Variants in DICER1 observed in about 807,000 individuals in gnomAD.
DICER1 encodes the protein endoribonuclease Dicer.
In DICER1, 43 loss-of-function variants were observed where a neutral mutation model predicts 194.1. The ratio of observed to expected loss-of-function variants is 0.22; its 90% CI spans 0.17 to 0.29. The LOEUF (loss-of-function observed/expected upper bound fraction) is 0.29. Among genes scored for constraint, DICER1 ranks in the 10% least tolerant of loss-of-function variants. The pLI, the probability that DICER1 is intolerant of heterozygous loss-of-function variation, is 1.00. For synonymous variants in DICER1, 832 were observed against 820.5 expected (o/e 1.01, Z -0.24); for missense variants, 1,608 against 2,317.0 (o/e 0.69, Z 6.28).
In DICER1 at chr14:95,124,010, A is replaced by C. The variant is rs1165063341; in HGVS notation, c.1376+186T>G. Among the ~76,000 whole-genome samples, 1 of 152,238 alleles carries C rather than the reference A, an allele frequency of 6.6e-6. No homozygotes were observed. The highest frequency in any genetic ancestry group is 2.4e-5 in the African/African-American group (1 of 41,450). On this transcript the variant is annotated intron_variant, in intron 8 of 26. Coordinates refer to ENST00000343455, the MANE Select transcript of DICER1 (RefSeq NM_177438.3). This position sits in a 1 kb window ranked among gnomAD's most constrained non-coding sequence, Gnocchi z 4.5. ...AGAAAAAAATATCAGCCATATGAAAAGCAGCCTTCTGGAAAACATCCTCTC... is the reference window on the plus strand; with the variant it reads ...AGAAAAAAATATCAGCCATATGAAACGCAGCCTTCTGGAAAACATCCTCTC...
intron 23 of DICER1, among the ~76,000 whole-genome samples, chr14:95,095,124 T>G (rs557085549): frequency 1.3e-5 from 2 of 152,250 alleles, no homozygotes; most frequent in Non-Finnish European, 2.9e-5. Context: ...CTACAAACTT[T>G]ATACTTTGCT....
Position 95,088,414 on chromosome 14 carries a change from G to A in DICER1, c.*2084C>T. 4.3e-6 allele frequency: 1 copy of A among 232,428 alleles called. No homozygotes were observed. Among genetic ancestry groups the A allele is most frequent in the East Asian group, 6.1e-5 (1 of 16,376 alleles). 14.4% of individuals were successfully genotyped at this position (232,428 alleles called of 1,614,324 possible). ...CAAAGCCCTAAGCTCCTGGCATCAG[G>A]TAGTTTATAAATATTAAGAGATTTG... On this transcript the variant is annotated 3_prime_UTR_variant, in exon 27 of 27. Coordinates refer to ENST00000343455, the MANE Select transcript of DICER1 (RefSeq NM_177438.3).
At chr14:95,145,205 T>C (rs1003744462) in intron 1 of DICER1, among the ~76,000 whole-genome samples, 1 of 152,234 alleles carries the variant, frequency 6.6e-6, no homozygotes, top group African/African-American at 2.4e-5. Context: ...TTAATGTCTT[T>C]TGTTAGTTTA....
chr14:95,122,229 G>C (rs769537200), intron 8 of DICER1, among the ~76,000 whole-genome samples: 1 of 152,084 alleles, frequency 6.6e-6, no homozygotes, highest in Non-Finnish European at 1.5e-5. Context: ...AACCTTTTCA[G>C]GCTAATATTC....
At chr14:95,106,245 ACAAT>A (rs1355495962) in intron 17 of DICER1, 22 bp from the exon 18 acceptor site, 4 of 1,579,256 alleles carry the variant, frequency 2.5e-6, no homozygotes, top group Admixed American at 1.7e-5. Context: ...AAACAAAAAA[ACAAT>A]CAGTTGCTTT....
intron 1 of DICER1, among the ~76,000 whole-genome samples, chr14:95,140,121 G>A (rs2140356334): frequency 6.6e-6 from 1 of 152,248 alleles, no homozygotes; most frequent in African/African-American, 2.4e-5. Flanking sequence ...CTTTTGCAGA[G>A]CCAAAATAAC....
rs2139761844 is a variant in DICER1 at position 95,090,123 on chromosome 14, G to GTTAA, written c.*374_*375insTTAA. On this transcript the variant is annotated 3_prime_UTR_variant, in exon 27 of 27. Transcript: ENST00000343455. ...CTACATCATCCTAGGGACTGCTGGA[G>GTTAA]GTTTAAGCTCCATGGCCTTCTAACA... 1 of 393,370 alleles carries GTTAA rather than the reference G, an allele frequency of 2.5e-6. No homozygotes were observed. The highest frequency in any genetic ancestry group is 2.7e-5 in the South Asian group (1 of 36,750). 24.4% of individuals were successfully genotyped at this position (393,370 alleles called of 1,614,324 possible).
chr14:95,149,402 C>T (rs1895363828), intron 1 of DICER1, among the ~76,000 whole-genome samples: 2 of 152,126 alleles, frequency 1.3e-5, no homozygotes, highest in South Asian at 4.1e-4. Flanking sequence ...CCCGTAACAC[C>T]AAAACAAGTG....
chr14:95,116,640 A>G lies in DICER1; in HGVS notation c.1565T>C (p.Val522Ala), dbSNP rs1178338521. 3.1e-6 allele frequency: 5 copies of G among 1,614,110 alleles called. No individual in the cohort carries two copies. The Admixed American group carries it at 5.0e-5, about 16-fold the overall frequency. Residue 522 changes from valine (V) to alanine (A), a missense_variant, in exon 10 of 27, where the codon GTA becomes GCA. Val to Ala is a moderately conservative substitution (Grantham distance 64). Coordinates refer to ENST00000343455, the MANE Select transcript of DICER1 (RefSeq NM_177438.3). The stretch of plus-strand genomic sequence containing the variant: ...TTTTGGTATATCAACACCCTCTTCT[A>G]CAATACTTGTTGCAATAAGCAGGTT... ...ETNLLIATSIVEEGVDIPKCN... is the reference protein window; with the variant it reads ...ETNLLIATSIAEEGVDIPKCN...
At chr14:95,114,178 C>A (rs1270118249) in intron 11 of DICER1, among the ~76,000 whole-genome samples, 2 of 152,200 alleles carry the variant, frequency 1.3e-5, no homozygotes, top group East Asian at 3.8e-4. Context: ...TGGTTTCTAA[C>A]TACAACTTTT....
intron 8 of DICER1, among the ~76,000 whole-genome samples, chr14:95,120,093 A>G (rs376265673): frequency 1.3e-5 from 2 of 152,254 alleles, no homozygotes; most frequent in African/African-American, 4.8e-5. Flanking sequence ...GCAGACAACC[A>G]TAAGAGGAAA....
intron 1 of DICER1, among the ~76,000 whole-genome samples, chr14:95,153,216 C>CAA (rs201007123): frequency 0.042 from 4,681 of 111,636 alleles, 290 homozygotes; most frequent in African/African-American, 0.14. Flanking sequence ...GACTCCGTCT[C>CAA]AAAAAAAAAA....
rs1595353632 is a variant in DICER1 at position 95,099,891 on chromosome 14, T to C, written c.4095A>G (p.Leu1365=). 1.2e-6 allele frequency: 2 copies of C among 1,614,072 alleles called. No individual in the cohort carries two copies. Among genetic ancestry groups the C allele is most frequent in the South Asian group, 1.1e-5 (1 of 91,078 alleles). ...ATATTGACACCACCATGCGGCTGGG[T>C]AGTCCCTTCTTTTTTCCAAGGCGAT... ...NLYRLGKKKG[L]PSRMVVSIFD... The change falls in exon 22 of 27, where the codon CTA becomes CTG. Residue 1365 remains leucine (L), a synonymous_variant. Transcript: ENST00000343455.
At chr14:95,113,273 T>C (rs1161923503) in intron 11 of DICER1, 49 bp from the exon 12 acceptor site, 14 of 1,572,490 alleles carry the variant, frequency 8.9e-6, no homozygotes, top group African/African-American at 2.7e-5. Flanking sequence ...TGAGAAAATA[T>C]TGATATTTAT....
At position 95,124,130 on chromosome 14, in the gene DICER1, C is replaced by A; in HGVS notation, c.1376+66G>T. The A allele has an allele frequency of 2.6e-6, 3 of 1,168,210 alleles. No individual in the cohort carries two copies. Among genetic ancestry groups the A allele is most frequent in the South Asian group, 1.2e-5 (1 of 80,630 alleles). The allele number at this position is 1,168,210 out of a possible 1,614,324, so 72.4% of individuals were successfully genotyped here. On this transcript the variant is annotated intron_variant, in intron 8 of 26. Transcript: ENST00000343455. The surrounding 1 kb of genome is among the most constrained non-coding windows in gnomAD (Gnocchi z 4.5). ...ATGCTAGCTCTTACAGCTGCTGCAG[C>A]GCATCACATCACAACACAGGACGCC...
intron 7 of DICER1, among the ~76,000 whole-genome samples, chr14:95,126,035 C>A (rs1347752461): frequency 1.3e-5 from 2 of 151,946 alleles, no homozygotes; most frequent in Non-Finnish European, 2.9e-5. Flanking sequence ...GGTTCTCGAG[C>A]TTTAATGAAT....
intron 1 of DICER1, chr14:95,141,044 A>C (rs1444092585): frequency 6.6e-6 from 1 of 152,226 alleles, no homozygotes; most frequent in African/African-American, 2.4e-5. Flanking sequence ...TAAGGAAATC[A>C]AAGTAAATAA....
chr14:95,146,484 C>T (rs1387619816), intron 1 of DICER1, among the ~76,000 whole-genome samples: 1 of 152,202 alleles, frequency 6.6e-6, no homozygotes, highest in Non-Finnish European at 1.5e-5. Flanking sequence ...CACACAACTT[C>T]GGGTGGGGAA....
intron 1 of DICER1, among the ~76,000 whole-genome samples, chr14:95,151,305 T>C (rs1029506780): frequency 5.9e-5 from 9 of 152,318 alleles, no homozygotes; most frequent in Admixed American, 4.6e-4. Flanking sequence ...CAAGCCCTCT[T>C]TTCCTTCATC....
Sources: allele counts gnomAD v4.1 joint callset (sites outside exome capture counted in the v4.1 genomes callset), GRCh38; gene constraint gnomAD v4.1.1; non-coding constraint Gnocchi (gnomAD v3.1); transcripts MANE v1.5; gene names NCBI Gene and HGNC (gene_info 2026-07-23, HGNC 2026-07-21).